The following PDLIM7 variants were observed in gnomAD, a reference collection of about 807,000 sequenced individuals.
PDLIM7 encodes PDZ and LIM domain protein 7.
In PDLIM7, 37 loss-of-function variants were observed where a neutral mutation model predicts 53.9. The ratio of observed to expected loss-of-function variants is 0.69; its 90% CI spans 0.53 to 0.90. PDLIM7 has a LOEUF of 0.90. Among genes scored for constraint, PDLIM7 ranks in the 40% least tolerant of loss-of-function variants. The probability of loss-of-function intolerance (pLI) is 0.00; values close to 1 mark genes in which losing one functional copy is unlikely to be tolerated. For missense variants in PDLIM7, 617 were observed against 638.5 expected, an observed-to-expected ratio of 0.97 and a Z score of 0.36; for synonymous variants, 300 against 261.3, an observed-to-expected ratio of 1.15 and a Z score of -1.43.
At chr5:177,491,309 C>T (rs940771992) in intron 5 of PDLIM7, 163 bp from the exon 6 acceptor site, 4 of 1,469,046 alleles carry the variant, frequency 2.7e-6, no homozygotes, top group African/African-American at 1.4e-5. Flanking sequence ...GACAGGAGGG[C>T]GAAGTGGAGA....
intron 10 of PDLIM7, among the ~76,000 whole-genome samples, chr5:177,486,579 G>A (rs570771750): frequency 1.8e-4 from 27 of 151,410 alleles, no homozygotes; most frequent in Middle Eastern, 3.4e-3. Flanking sequence ...TGGGAGAGGG[G>A]GCTCTACCAG....
At chr5:177,492,822 G>T in intron 2 of PDLIM7, 145 bp from the exon 3 acceptor site, 1 of 824,680 alleles carries the variant, frequency 1.2e-6, no homozygotes, top group Non-Finnish European at 1.9e-6. Context: ...GGCAGCTGCT[G>T]GACACTAAAG....
chr5:177,490,219 A>C, intron 7 of PDLIM7: 1 of 1,448,098 alleles, frequency 6.9e-7, no homozygotes, highest in Non-Finnish European at 9.1e-7. Flanking sequence ...AACCAGGTCC[A>C]CAAAGATAGA....
intron 5 of PDLIM7, chr5:177,491,479 G>T: frequency 7.2e-7 from 1 of 1,380,790 alleles, no homozygotes; most frequent in Non-Finnish European, 1.0e-6. Context: ...ACACAGGAGA[G>T]GAAGAAAGAC....
chr5:177,495,732 C>T (rs1759038987), intron 2 of PDLIM7, among the ~76,000 whole-genome samples: 1 of 152,224 alleles, frequency 6.6e-6, no homozygotes, highest in East Asian at 1.9e-4. Context: ...GAGCCAGCCT[C>T]CAGCTCCACC....
At chr5:177,492,045 C>G (rs1262687239) in intron 4 of PDLIM7, 120 bp from the exon 5 acceptor site, 1 of 466,350 alleles carries the variant, frequency 2.1e-6, no homozygotes, top group Admixed American at 4.2e-5. Flanking sequence ...CACCCCACCC[C>G]CTACATCTAT....
In PDLIM7 at chr5:177,488,179, C is replaced by A; in HGVS notation, c.939G>T (p.Lys313Asn). 1 of 1,613,496 alleles carries A rather than the reference C, an allele frequency of 6.2e-7. No individual in the cohort carries two copies. Among genetic ancestry groups the A allele is most frequent in the Non-Finnish European group, 8.5e-7 (1 of 1,179,956 alleles). Residue 313 changes from lysine (K) to asparagine (N), a missense_variant, in exon 10 of 13, where the codon AAG (lysine) becomes AAT (asparagine). Transcript: ENST00000355841. ...CAAAGAAGCCACCCTCTTCCAGGAC[C>A]TTCCCACACTGGCTACACACAAACT... is the stretch of plus-strand genomic sequence containing the variant. ...PEEFVCSQCG[K>N]VLEEGGFFEE...
chr5:177,492,433 G>T lies in PDLIM7; in HGVS notation c.251C>A (p.Ala84Asp). ...CTGCGGTTTGCTCTGAACCGGCTGG[G>T]CCCTGGAGGAGAAGGAAAGCGTGAC... ...GERLSLGLSR[A>D]QPVQSKPQKA... is the part of the protein sequence containing the mutation. The change falls in exon 4 of 13, where the codon GCC becomes GAC. Residue 84 changes from alanine (A) to aspartate (D), a missense_variant and splice_region_variant. Transcript: ENST00000355841. The T allele has an allele frequency of 1.2e-6, 2 of 1,613,664 alleles. No individual in the cohort carries two copies. Among genetic ancestry groups the T allele is most frequent in the Non-Finnish European group, 1.7e-6 (2 of 1,179,784 alleles).
chr5:177,490,216 T>A, intron 7 of PDLIM7: 1 of 1,445,884 alleles, frequency 6.9e-7, no homozygotes, highest in Non-Finnish European at 9.1e-7. Flanking sequence ...GCAAACCAGG[T>A]CCACAAAGAT....
intron 2 of PDLIM7, 27 bp downstream of exon 2, chr5:177,496,390 G>C: frequency 6.6e-7 from 1 of 1,512,274 alleles, no homozygotes; most frequent in Middle Eastern, 1.8e-4. Context: ...ACCGCTGGGG[G>C]AGCCCCCTCC....
Position 177,483,679 on chromosome 5 carries a change from G to T in PDLIM7, c.1339C>A (p.Pro447Thr), listed in dbSNP as rs778547338. Residue 447 changes from proline (P) to threonine (T), a missense_variant, in exon 13 of 13, where the codon CCT becomes ACT. Physicochemically the swap from Pro to Thr is conservative, Grantham distance 38. Coordinates refer to ENST00000355841, the MANE Select transcript of PDLIM7 (RefSeq NM_005451.5). ...GKTFYSKKDR[P>T]LCKSHAFSHV is the part of the protein sequence containing the mutation. ...GAGAAGGCATGGCTCTTGCAGAGAGGCCTGTCCTTCTTGGAGTAGAAGGTC... is the reference window on the plus strand; with the variant it reads ...GAGAAGGCATGGCTCTTGCAGAGAGTCCTGTCCTTCTTGGAGTAGAAGGTC... 1.9e-6 allele frequency: 3 copies of T among 1,613,234 alleles called. No homozygotes were observed. Among genetic ancestry groups the T allele is most frequent in the Non-Finnish European group, 2.5e-6 (3 of 1,179,250 alleles).
chr5:177,490,708 GGAAGGGAA>G (rs1313942556), intron 7 of PDLIM7, 154 bp downstream of exon 7: 13,008 of 738,662 alleles, frequency 0.018, 338 homozygotes, highest in East Asian at 0.093. Flanking sequence ...GAAGGAAGGA[GGAAGGGAA>G]GGAAGGAAGG....
chr5:177,489,541 T>C lies in PDLIM7; in HGVS notation c.721A>G (p.Thr241Ala). 1 of 1,610,542 alleles carries C rather than the reference T, an allele frequency of 6.2e-7. No individual in the cohort carries two copies. Among genetic ancestry groups the C allele is most frequent in the Non-Finnish European group, 8.5e-7 (1 of 1,179,144 alleles). Residue 241 changes from threonine to alanine, a missense_variant, in exon 9 of 13, where the codon ACA becomes GCA. Transcript: ENST00000355841. ...GGCTGGCTGTGCCGGGTCAGCACTG[T>C]GCTCGTTTTGTCCGGGGCATAGCGC... ...AERYAPDKTS[T>A]VLTRHSQPAT...
intron 2 of PDLIM7, among the ~76,000 whole-genome samples, chr5:177,493,536 G>A (rs577880403): frequency 1.3e-5 from 2 of 152,368 alleles, no homozygotes; most frequent in African/African-American, 4.8e-5. Context: ...TAGCGGGTGA[G>A]AGTTCACTTA....
Position 177,488,308 on chromosome 5 carries a change from C to T in PDLIM7, c.870-60G>A. ...CGCAGAGAGGTGGGGGTCTTGGCCC[C>T]CTTCAGGTTGACTGACCACCCACCA... On this transcript the variant is annotated intron_variant, in intron 9 of 12. Transcript: ENST00000355841. The T allele has an allele frequency of 8.9e-6, 13 of 1,459,080 alleles. No homozygotes were observed. The South Asian group carries it at 1.7e-4, about 19-fold the overall frequency. 90.4% of individuals were successfully genotyped at this position (1,459,080 alleles called of 1,614,324 possible). A position where few individuals can be genotyped will look rare whatever the true frequency, so the allele number is the denominator to read the frequency against.
At chr5:177,494,772 GA>G (rs1758980423) in intron 2 of PDLIM7, among the ~76,000 whole-genome samples, 1 of 152,118 alleles carries the variant, frequency 6.6e-6, no homozygotes, top group Non-Finnish European at 1.5e-5. Context: ...GACCCTGCAT[GA>G]GGTGGGGGTG....
In PDLIM7 at chr5:177,490,450, A is replaced by T. The variant is rs368520717; in HGVS notation, c.572+420T>A. ...CTAAGGGGGTGCCCTGGGCAGGAGG[A>T]ACAGAAAGAGGGAGGCAGAGAGGGC... On this transcript the variant is annotated intron_variant, in intron 7 of 12. Coordinates refer to ENST00000355841, the MANE Select transcript of PDLIM7 (RefSeq NM_005451.5). The T allele has an allele frequency of 3.9e-6, 6 of 1,536,376 alleles. No homozygotes were observed. The African/African-American group carries it at 6.9e-5, about 18-fold the overall frequency.
Position 177,491,934 on chromosome 5 carries a change from A to G in PDLIM7, c.280-9T>C. On this transcript the variant is annotated splice_polypyrimidine_tract_variant and intron_variant, in intron 4 of 12. Coordinates refer to ENST00000355841, the MANE Select transcript of PDLIM7 (RefSeq NM_005451.5). ...GCGGCGGGGGCGGAGGCCTGGGCAG[A>G]GACACAGCCGGGCAGGGCGGGCGGG... 2.0e-6 allele frequency: 1 copy of G among 490,664 alleles called. No individual in the cohort carries two copies. The highest frequency in any genetic ancestry group is 2.9e-6 in the Non-Finnish European group (1 of 350,374). 30.4% of individuals were successfully genotyped at this position (490,664 alleles called of 1,614,324 possible).
intron 4 of PDLIM7, 84 bp downstream of exon 4, chr5:177,492,321 C>T (rs1175698850): frequency 1.4e-5 from 21 of 1,534,290 alleles, no homozygotes; most frequent in Non-Finnish European, 1.9e-5. Context: ...GATTGGGGTA[C>T]CGAGAATGTG....
Sources: allele counts gnomAD v4.1 joint callset (sites outside exome capture counted in the v4.1 genomes callset), GRCh38; gene constraint gnomAD v4.1.1; transcripts MANE v1.5; gene names NCBI Gene and HGNC (gene_info 2026-07-23, HGNC 2026-07-21).